The following FBXL18 variants were observed in gnomAD, a reference collection of about 807,000 sequenced individuals.
The protein encoded by FBXL18 is F-box/LRR-repeat protein 18.
FBXL18 carries 36 observed loss-of-function variants against 46.0 expected under a neutral mutation model. The ratio of observed to expected loss-of-function variants is 0.78; its 90% CI spans 0.60 to 1.03. The LOEUF (loss-of-function observed/expected upper bound fraction) is 1.03. FBXL18 is among the 50% of genes least tolerant of loss of function. The probability of loss-of-function intolerance (pLI) is 0.00; values close to 1 mark genes in which losing one functional copy is unlikely to be tolerated. For missense variants in FBXL18, 977 were observed against 1,004.1 expected, an observed-to-expected ratio of 0.97 and a Z score of 0.36; for synonymous variants, 557 against 465.3, an observed-to-expected ratio of 1.20 and a Z score of -2.54.
chr7:5,484,885 C>T (rs565061012), intron 4 of FBXL18, among the ~76,000 whole-genome samples: 31 of 152,150 alleles, frequency 2.0e-4, no homozygotes, highest in Non-Finnish European at 4.3e-4. Flanking sequence ...GTGATCCACC[C>T]GCCTCAGCCT....
At chr7:5,493,610 A>G (rs755945023) in intron 3 of FBXL18, among the ~76,000 whole-genome samples, 1 of 151,558 alleles carries the variant, frequency 6.6e-6, no homozygotes, top group Non-Finnish European at 1.5e-5. Flanking sequence ...TTTTTTTTTA[A>G]AAGAATAAAG....
At chr7:5,460,437 A>G (rs908958215) in intron 4 of FBXL18, among the ~76,000 whole-genome samples, 38 of 152,008 alleles carry the variant, frequency 2.5e-4, no homozygotes, top group African/African-American at 3.9e-4. Flanking sequence ...CCCTCAAATA[A>G]TGCCTCAATT....
intron 4 of FBXL18, among the ~76,000 whole-genome samples, chr7:5,469,653 A>C: frequency 6.6e-6 from 1 of 151,556 alleles, no homozygotes; most frequent in East Asian, 1.9e-4. Context: ...GCATATAGGA[A>C]GCTCCGTGTG....
At position 5,500,481 on chromosome 7, in the gene FBXL18, C is replaced by T. The variant is rs1380924099; in HGVS notation, c.1781+7G>A. On this transcript the variant is annotated splice_region_variant and intron_variant, in intron 3 of 4. Transcript: ENST00000382368. ...AGAGGCCCGAGAGGTCCCCGCGGCC[C>T]CCTCACCTGAGGTCCCTCAGCCGCT... The T allele has an allele frequency of 6.3e-7, 1 of 1,589,590 alleles. No homozygotes were observed.
At chr7:5,510,372 G>A (rs1188702304) in intron 1 of FBXL18, among the ~76,000 whole-genome samples, 1 of 148,962 alleles carries the variant, frequency 6.7e-6, no homozygotes, top group Admixed American at 6.7e-5. Context: ...GCAAAACCTC[G>A]TCTCTACAAA....
chr7:5,505,074 C>T (rs1486746625), intron 2 of FBXL18, among the ~76,000 whole-genome samples: 1 of 151,796 alleles, frequency 6.6e-6, no homozygotes, highest in Non-Finnish European at 1.5e-5. Flanking sequence ...TGGAGAGCCA[C>T]ATATTTAACT....
At chr7:5,500,441 C>A in intron 3 of FBXL18, 47 bp downstream of exon 3, 3 of 1,527,478 alleles carry the variant, frequency 2.0e-6, no homozygotes, top group Non-Finnish European at 2.7e-6. Flanking sequence ...CCAGTTCCCT[C>A]CGCCAGCTTC....
At chr7:5,475,489 G>A (rs553643325), downstream of FBXL18, among the ~76,000 whole-genome samples, 1 of 152,248 alleles carries the variant, frequency 6.6e-6, no homozygotes, top group South Asian at 2.1e-4. The surrounding 1 kb of genome is among the most constrained non-coding windows in gnomAD (Gnocchi z 4.2). Flanking sequence ...CTGCACAACC[G>A]TGCCAGTGTA....
At chr7:5,456,253 C>T (rs1783173848) in intron 4 of FBXL18, among the ~76,000 whole-genome samples, 1 of 152,232 alleles carries the variant, frequency 6.6e-6, no homozygotes, top group African/African-American at 2.4e-5. Flanking sequence ...CGGGACAGTG[C>T]TCCCCCTGCA....
intron 3 of FBXL18, 114 bp from the exon 4 acceptor site, chr7:5,491,563 T>C: frequency 3.5e-6 from 3 of 853,660 alleles, no homozygotes; most frequent in Non-Finnish European, 5.3e-6. Context: ...CCAGCCCAGC[T>C]GTTCCCGCCA....
At chr7:5,490,935 G>C (rs1783905367) in intron 4 of FBXL18, among the ~76,000 whole-genome samples, 1 of 152,162 alleles carries the variant, frequency 6.6e-6, no homozygotes, top group Non-Finnish European at 1.5e-5. Flanking sequence ...CTCCAGCCTG[G>C]GCAACACAGT....
At chr7:5,488,767 G>A (rs186406532) in intron 4 of FBXL18, among the ~76,000 whole-genome samples, 1 of 152,246 alleles carries the variant, frequency 6.6e-6, no homozygotes, top group East Asian at 1.9e-4. Flanking sequence ...TGACAGGACA[G>A]AGCTAGGGCG....
intron 4 of FBXL18, among the ~76,000 whole-genome samples, chr7:5,456,855 CT>C (rs1311107931): frequency 6.6e-6 from 1 of 152,172 alleles, no homozygotes; most frequent in African/African-American, 2.4e-5. Flanking sequence ...CCTCCATCTC[CT>C]TGGTTCAAGT....
At position 5,500,592 on chromosome 7, in the gene FBXL18, C is replaced by G. The variant is rs770134948; in HGVS notation, c.1677G>C (p.Gln559His). 6.2e-7 allele frequency: 1 copy of G among 1,613,514 alleles called. No homozygotes were observed. Among genetic ancestry groups the G allele is most frequent in the South Asian group, 1.1e-5 (1 of 91,086 alleles). ...GLVNIGLQCQQLRSLSLANLG... is the reference protein window; with the variant it reads ...GLVNIGLQCQHLRSLSLANLG... ...GGTTGGCCAGCGACAGGGACCGCAA[C>G]TGCTGGCACTGCAGGCCGATATTGA... The change falls in exon 3 of 5, where the codon CAG becomes CAC. Residue 559 changes from glutamine (Q) to histidine (H), a missense_variant. Transcript: ENST00000382368.
chr7:5,482,424 A>T (rs58699439), intron 4 of FBXL18, among the ~76,000 whole-genome samples: 1,719 of 152,256 alleles, frequency 0.011, 50 homozygotes, highest in African/African-American at 0.04. Flanking sequence ...AGTCGCTGGG[A>T]GGAGCAGATA....
At position 5,462,950 on chromosome 7, in the gene FBXL18, CAA is replaced by C. The variant is rs138208570; in HGVS notation, c.2001-15109_2001-15108del. 5.2e-3 allele frequency among the ~76,000 whole-genome samples: 116 copies of C among 22,368 alleles called. 3 individuals are homozygous for C. Among genetic ancestry groups the C allele is most frequent in the South Asian group, 0.02 (16 of 806 alleles). 14.7% of individuals were successfully genotyped at this position (22,368 alleles called of 152,430 possible). On this transcript the variant is annotated intron_variant and NMD_transcript_variant, in intron 4 of 6. Transcript: ENST00000415009. The stretch of plus-strand genomic sequence containing the variant: ...TGGGCGACAGAGTGAGACTTGGTCT[CAA>C]AAAAAAAAAAAAAAAAAATATATAT...
chr7:5,503,338 C>T (rs564202938), intron 2 of FBXL18, among the ~76,000 whole-genome samples: 2 of 152,116 alleles, frequency 1.3e-5, no homozygotes, highest in Non-Finnish European at 2.9e-5. Context: ...GAGCTATCAT[C>T]GAGCCACCAC....
chr7:5,496,124 A>G lies in FBXL18; in HGVS notation c.1781+4364T>C, dbSNP rs761320834. 7.9e-5 allele frequency among the ~76,000 whole-genome samples: 12 copies of G among 152,216 alleles called. No individual in the cohort carries two copies. The highest frequency in any genetic ancestry group is 1.8e-4 in the Non-Finnish European group (12 of 68,034). On this transcript the variant is annotated intron_variant, in intron 3 of 4. Coordinates refer to ENST00000382368, the MANE Select transcript of FBXL18 (RefSeq NM_024963.6). This position sits in a 1 kb window ranked among gnomAD's most constrained non-coding sequence, Gnocchi z 4.8. ...ACGCTGACCTCGGGAGGCCGGAGAC[A>G]AGCAGCCATGTGACCTAGGCAAGTT...
At chr7:5,486,077 AT>A in intron 4 of FBXL18, among the ~76,000 whole-genome samples, 2 of 144,712 alleles carry the variant, frequency 1.4e-5, no homozygotes, top group Middle Eastern at 7.7e-3. Flanking sequence ...AAATAAATAA[AT>A]AAATAAATAA....
Sources: allele counts gnomAD v4.1 joint callset (sites outside exome capture counted in the v4.1 genomes callset), GRCh38; gene constraint gnomAD v4.1.1; non-coding constraint Gnocchi (gnomAD v3.1); transcripts MANE v1.5; gene names NCBI Gene and HGNC (gene_info 2026-07-23, HGNC 2026-07-21).